TRIM34: variants seen among roughly 807,000 people sequenced by gnomAD.
TRIM34 encodes the protein E3 ubiquitin-protein ligase TRIM34.
TRIM34 carries 41 observed loss-of-function variants against 38.1 expected under a neutral mutation model. The ratio of observed to expected loss-of-function variants is 1.08; its 90% CI spans 0.84 to 1.40. TRIM34 has a LOEUF of 1.40. TRIM34 is among the 40% of genes most tolerant of loss of function. TRIM34 has a pLI of 0.00. For missense variants in TRIM34, 556 were observed against 571.4 expected (o/e 0.97, Z 0.27); for synonymous variants, 200 against 202.5 (o/e 0.99, Z 0.10).
chr11:5,638,118 T>G (rs940793708), intron 4 of TRIM34, among the ~76,000 whole-genome samples: 71 of 152,330 alleles, frequency 4.7e-4, no homozygotes, highest in African/African-American at 1.7e-3. Context: ...GTGATTATTT[T>G]AAGTTGGACA....
intron 1 of TRIM34, among the ~76,000 whole-genome samples, chr11:5,627,638 A>G (rs947844725): frequency 2.0e-5 from 3 of 152,204 alleles, no homozygotes; most frequent in Non-Finnish European, 4.4e-5. Context: ...GGAGAGAGTC[A>G]TTAATGTGGT....
intron 6 of TRIM34, 21 bp from the exon 7 acceptor site, chr11:5,642,796 C>T (rs983890325): frequency 3.1e-6 from 5 of 1,613,874 alleles, no homozygotes; most frequent in South Asian, 2.2e-5. Flanking sequence ...ATCAGCATCA[C>T]TGAATCTTTT....
chr11:5,626,323 T>C (rs1414553970), intron 1 of TRIM34, among the ~76,000 whole-genome samples: 4 of 152,232 alleles, frequency 2.6e-5, no homozygotes, highest in Non-Finnish European at 4.4e-5. Context: ...CGATGAATGT[T>C]AGAGTACACA....
chr11:5,643,404 T>G lies in TRIM34; in HGVS notation c.1162T>G (p.Tyr388Asp). The G allele has an allele frequency of 6.2e-7, 1 of 1,614,150 alleles. No homozygotes were observed. Among genetic ancestry groups the G allele is most frequent in the Non-Finnish European group, 8.5e-7 (1 of 1,180,012 alleles). ...VRRCANRQNL[Y>D]TKYRPLFGYW... ...AAGATGTGCAAATCGTCAAAATCTTTACACCAAATACAGACCTCTATTTGG... is the reference window on the plus strand; with the variant it reads ...AAGATGTGCAAATCGTCAAAATCTTGACACCAAATACAGACCTCTATTTGG... The change falls in exon 8 of 8, where the codon TAC (tyrosine) becomes GAC (aspartate). Residue 388 changes from tyrosine (Y) to aspartate (D), a missense_variant. By Grantham distance (160) the Tyr-to-Asp change is radical. Transcript: ENST00000429814.
At chr11:5,631,904 TAAAA>T (rs1849497697) in intron 1 of TRIM34, among the ~76,000 whole-genome samples, 1 of 152,126 alleles carries the variant, frequency 6.6e-6, no homozygotes. Flanking sequence ...ATAATGATAA[TAAAA>T]GAAAGATGGC....
At chr11:5,642,930 C>A in intron 7 of TRIM34, 87 bp downstream of exon 7, 2 of 1,559,222 alleles carry the variant, frequency 1.3e-6, no homozygotes, top group East Asian at 2.3e-5. Flanking sequence ...ATCTTAGCCT[C>A]ATGCATTCTC....
At chr11:5,623,258 T>C (rs1161008130), upstream of TRIM34, among the ~76,000 whole-genome samples, 1 of 152,086 alleles carries the variant, frequency 6.6e-6, no homozygotes, top group African/African-American at 2.4e-5. Flanking sequence ...ACTATCTAAA[T>C]GTATTAGTTA....
At chr11:5,633,502 T>C (rs978978458) in intron 2 of TRIM34, among the ~76,000 whole-genome samples, 4 of 152,182 alleles carry the variant, frequency 2.6e-5, no homozygotes, top group African/African-American at 7.2e-5. Context: ...CTAAGGAACA[T>C]TGTGGATTGA....
intron 1 of TRIM34, among the ~76,000 whole-genome samples, chr11:5,627,189 C>T (rs1849283205): frequency 6.6e-6 from 1 of 151,996 alleles, no homozygotes; most frequent in South Asian, 2.1e-4. Context: ...TGAGACCAGC[C>T]TGGCCAACAT....
upstream of TRIM34, among the ~76,000 whole-genome samples, chr11:5,622,069 G>A (rs750624238): frequency 9.9e-4 from 150 of 152,256 alleles, 2 homozygotes; most frequent in East Asian, 1.5e-3. Context: ...AGACTAGACA[G>A]TTGTTAAGAA....
rs1463667767 is a variant in TRIM34 at position 5,634,661 on chromosome 11, CA to C, written c.553del (p.Thr185GlnfsTer10). Reference protein sequence around the residue: ...YQVQTERQRIQTEFDQLRSIL... With the variant: ...YQVQTERQRIXTEFDQLRSIL... Reference sequence around the variant, plus strand: ...GGTACAAACTGAGAGACAAAGGATACAAACAGAATTTGATCAGCTTAGAAGC... The same window carrying C: ...GGTACAAACTGAGAGACAAAGGATACAACAGAATTTGATCAGCTTAGAAGC... On this transcript the variant is annotated frameshift_variant, in exon 4 of 8. Transcript: ENST00000429814. LOFTEE classifies it high-confidence loss of function. The C allele has an allele frequency of 6.2e-7, 1 of 1,613,444 alleles. No individual in the cohort carries two copies. Among genetic ancestry groups the C allele is most frequent in the African/African-American group, 1.3e-5 (1 of 74,778 alleles).
At chr11:5,642,950 C>A in intron 7 of TRIM34, 107 bp downstream of exon 7, 5 of 1,490,856 alleles carry the variant, frequency 3.4e-6, no homozygotes, top group Non-Finnish European at 4.5e-6. Flanking sequence ...CAGCACCTCC[C>A]AAAACATTTG....
upstream of TRIM34, among the ~76,000 whole-genome samples, chr11:5,622,249 T>G (rs1849014178): frequency 6.6e-6 from 1 of 151,854 alleles, no homozygotes; most frequent in African/African-American, 2.4e-5. Context: ...TTTGAGACCA[T>G]CCTGGCCAAC....
At chr11:5,630,179 G>A (rs904249333) in intron 1 of TRIM34, among the ~76,000 whole-genome samples, 5 of 152,016 alleles carry the variant, frequency 3.3e-5, no homozygotes, top group African/African-American at 7.3e-5. Context: ...ATCCTCTTAC[G>A]GAAAATGAGG....
rs780876162 is a variant in TRIM34 at position 5,633,873 on chromosome 11, A to G, written c.493A>G (p.Ile165Val). The G allele has an allele frequency of 3.7e-6, 6 of 1,614,022 alleles. 1 individual carries two copies. Among genetic ancestry groups the G allele is most frequent in the African/African-American group, 1.3e-5 (1 of 74,946 alleles). The stretch of plus-strand genomic sequence containing the variant: ...GGAAGCTGAGAAGCTGGAAGCTGAC[A>G]TCAGAGAAGAGAAAACTTCCTGGAA... ...EEEAEKLEAD[I>V]REEKTSWKYQ... Residue 165 changes from isoleucine (I) to valine (V), a missense_variant, in exon 3 of 8, where the codon ATC becomes GTC. Physicochemically the swap from Ile to Val is conservative, Grantham distance 29. Transcript: ENST00000429814.
At chr11:5,634,583 C>A (rs1849642419) in intron 3 of TRIM34, 48 bp from the exon 4 acceptor site, 1 of 1,555,638 alleles carries the variant, frequency 6.4e-7, no homozygotes, top group East Asian at 2.3e-5. Context: ...GCACAATAGG[C>A]CTTAGCCTGA....
At chr11:5,639,310 T>C (rs541517223) in intron 4 of TRIM34, among the ~76,000 whole-genome samples, 3 of 152,212 alleles carry the variant, frequency 2.0e-5, no homozygotes, top group South Asian at 2.1e-4. Context: ...CACAGTATTA[T>C]AGAAACATGA....
chr11:5,621,579 G>T (rs947758196), upstream of TRIM34, among the ~76,000 whole-genome samples: 2 of 152,180 alleles, frequency 1.3e-5, no homozygotes, highest in Admixed American at 6.5e-5. Context: ...CAAAAGTGAT[G>T]ATTTTTCTAC....
chr11:5,631,744 T>C lies in TRIM34; in HGVS notation c.-77-511T>C, dbSNP rs192893584. Among the ~76,000 whole-genome samples the C allele has an allele frequency of 1.8e-3, 277 of 152,312 alleles. 2 individuals carry two copies. Among genetic ancestry groups the C allele is most frequent in the African/African-American group, 6.5e-3 (269 of 41,562 alleles). ...ACAATGATAAAGTTTTAGTCATCTG[T>C]GGAGAGACAGGGAAGTTTTTTTTAT... On this transcript the variant is annotated intron_variant, in intron 1 of 7. Coordinates refer to ENST00000429814, the MANE Select transcript of TRIM34 (RefSeq NM_021616.6).
Sources: allele counts gnomAD v4.1 joint callset (sites outside exome capture counted in the v4.1 genomes callset), GRCh38; gene constraint gnomAD v4.1.1; transcripts MANE v1.5; gene names NCBI Gene and HGNC (gene_info 2026-07-23, HGNC 2026-07-21).